Variants in EFR3A observed in about 807,000 individuals in gnomAD.
EFR3A encodes the protein protein EFR3 homolog A.
In EFR3A, 76 loss-of-function variants were observed where a neutral mutation model predicts 104.4. The observed-to-expected ratio is 0.73, with a 90% confidence interval of 0.60 to 0.88. The LOEUF (loss-of-function observed/expected upper bound fraction) is 0.88. EFR3A is among the 40% of genes least tolerant of loss of function. The pLI, the probability that EFR3A is intolerant of heterozygous loss-of-function variation, is 0.00. For synonymous variants in EFR3A, 330 were observed against 330.0 expected, an observed-to-expected ratio of 1.00 and a Z score of 0.00; for missense variants, 985 against 1,012.5, an observed-to-expected ratio of 0.97 and a Z score of 0.37.
rs2130832014 is a variant in EFR3A, at chr8:132,012,465, TTC to T, written c.*1571_*1572del. ...AAATAAGTAGATCAGCAAGACTTGT[TTC>T]AGAGTGACAGTGGAGTCGTTACCGC... On this transcript the variant is annotated 3_prime_UTR_variant, in exon 23 of 23. Coordinates refer to ENST00000254624, the MANE Select transcript of EFR3A (RefSeq NM_015137.6). 1 of 152,620 alleles carries T rather than the reference TTC, an allele frequency of 6.6e-6. No homozygotes were observed. Among genetic ancestry groups the T allele is most frequent in the East Asian group, 1.9e-4 (1 of 5,172 alleles). 9.5% of individuals were successfully genotyped at this position (152,620 alleles called of 1,614,324 possible). A position where few individuals can be genotyped will look rare whatever the true frequency, so the allele number is the denominator to read the frequency against.
chr8:131,956,453 A>T (rs556271802), intron 7 of EFR3A, among the ~76,000 whole-genome samples: 2 of 152,286 alleles, frequency 1.3e-5, no homozygotes, highest in African/African-American at 4.8e-5. Context: ...CTCCACATAG[A>T]TATGGTCTCT....
chr8:131,979,517 C>A, intron 14 of EFR3A, 96 bp downstream of exon 14: 2 of 901,636 alleles, frequency 2.2e-6, no homozygotes, highest in South Asian at 1.8e-5. Flanking sequence ...TGAAATTAAG[C>A]CATAGAATTT....
intron 1 of EFR3A, among the ~76,000 whole-genome samples, chr8:131,921,418 C>G (rs1433257931): frequency 1.3e-5 from 2 of 152,098 alleles, no homozygotes; most frequent in Non-Finnish European, 2.9e-5. Flanking sequence ...GCAAAGACCC[C>G]CCTCTCTCTA....
chr8:131,927,658 C>CT (rs2130481094), intron 1 of EFR3A, among the ~76,000 whole-genome samples: 1 of 152,100 alleles, frequency 6.6e-6, no homozygotes, highest in South Asian at 2.1e-4. Flanking sequence ...TTAGCAAGAG[C>CT]TTTTTTTAGG....
chr8:131,940,681 A>T lies in EFR3A; in HGVS notation c.87+106A>T, dbSNP rs563366616. The T allele has an allele frequency of 6.2e-6, 9 of 1,441,862 alleles. No individual in the cohort carries two copies. The South Asian group carries it at 1.4e-4, about 22-fold the overall frequency. 89.3% of individuals were successfully genotyped at this position (1,441,862 alleles called of 1,614,324 possible). A position where few individuals can be genotyped will look rare whatever the true frequency, so the allele number is the denominator to read the frequency against. ...TTCATTTCTCTACTTTTACCCTTAC[A>T]TCTCATCATTTATACTACTTTTTTT... On this transcript the variant is annotated intron_variant, in intron 2 of 22. Coordinates refer to ENST00000254624, the MANE Select transcript of EFR3A (RefSeq NM_015137.6).
At chr8:131,929,203 G>T (rs757592183) in intron 1 of EFR3A, among the ~76,000 whole-genome samples, 1 of 152,068 alleles carries the variant, frequency 6.6e-6, no homozygotes, top group Non-Finnish European at 1.5e-5. Flanking sequence ...GTATCCTCTT[G>T]TGTTCCTTGT....
chr8:131,933,041 G>C (rs937173245), intron 1 of EFR3A, among the ~76,000 whole-genome samples: 3 of 152,048 alleles, frequency 2.0e-5, no homozygotes, highest in Non-Finnish European at 2.9e-5. Context: ...AAAGAAGAAA[G>C]TCACTGCTTA....
At position 131,976,096 on chromosome 8, in the gene EFR3A, C is replaced by T; in HGVS notation, c.1229C>T (p.Pro410Leu). The T allele has an allele frequency of 1.2e-6, 2 of 1,605,874 alleles. No individual in the cohort carries two copies. The highest frequency in any genetic ancestry group is 1.7e-6 in the Non-Finnish European group (2 of 1,175,602). ...EIMMFIMGKV[P>L]VFGTSTHTLD... ...ATGATGTTCATTATGGGGAAAGTAC[C>T]TGTCTTTGGAACATCTACCCATACT... The change falls in exon 11 of 23, where the codon CCT (proline) becomes CTT (leucine). Residue 410 changes from proline (P) to leucine (L), a missense_variant. By Grantham distance (98) the Pro-to-Leu change is moderately conservative. Coordinates refer to ENST00000254624, the MANE Select transcript of EFR3A (RefSeq NM_015137.6).
At chr8:131,918,585 T>G (rs1406195025) in intron 1 of EFR3A, among the ~76,000 whole-genome samples, 4 of 152,192 alleles carry the variant, frequency 2.6e-5, no homozygotes, top group African/African-American at 9.6e-5. Context: ...TATTTAGATA[T>G]GTAATTAGAC....
intron 1 of EFR3A, among the ~76,000 whole-genome samples, chr8:131,937,352 CACTG>C (rs1173785489): frequency 6.6e-6 from 1 of 152,076 alleles, no homozygotes; most frequent in Non-Finnish European, 1.5e-5. Context: ...TTTTCCTGTT[CACTG>C]ACTAAGGCTC....
Position 131,904,192 on chromosome 8 carries a change from C to G in EFR3A, c.-121C>G. ...CCGCGTCCGCTCCCTCCACCCTTCG[C>G]CCTTCGCCCTTCGCCTCGTTCCGGC... On this transcript the variant is annotated 5_prime_UTR_variant, in exon 1 of 23. Transcript: ENST00000254624. 1 of 1,132,006 alleles carries G rather than the reference C, an allele frequency of 8.8e-7. No individual in the cohort carries two copies. Among genetic ancestry groups the G allele is most frequent in the Admixed American group, 4.3e-5 (1 of 23,340 alleles). 70.1% of individuals were successfully genotyped at this position (1,132,006 alleles called of 1,614,324 possible). A position where few individuals can be genotyped will look rare whatever the true frequency, so the allele number is the denominator to read the frequency against.
intron 22 of EFR3A, among the ~76,000 whole-genome samples, chr8:132,006,911 G>A (rs1255518981): frequency 6.6e-6 from 1 of 151,846 alleles, no homozygotes; most frequent in Non-Finnish European, 1.5e-5. Flanking sequence ...AAGCAAAGTT[G>A]CATGATCACA....
In EFR3A at chr8:131,990,919, C is replaced by T. The variant is rs560218439; in HGVS notation, c.2065+3217C>T. ...AAACTGAGGGGACGCATAGGATTTA[C>T]TTACCATTTCATTTGCTTGTTTTTT... On this transcript the variant is annotated intron_variant, in intron 18 of 22. Coordinates refer to ENST00000254624, the MANE Select transcript of EFR3A (RefSeq NM_015137.6). Among the ~76,000 whole-genome samples the T allele has an allele frequency of 1.8e-3, 278 of 152,252 alleles. 2 individuals are homozygous for T. The highest frequency in any genetic ancestry group is 6.5e-3 in the African/African-American group (270 of 41,552).
chr8:131,944,460 T>G (rs1818321006), intron 2 of EFR3A, among the ~76,000 whole-genome samples: 1 of 152,108 alleles, frequency 6.6e-6, no homozygotes, highest in Non-Finnish European at 1.5e-5. Context: ...TATATCCCAT[T>G]CCCTATATAC....
chr8:131,996,428 A>G lies in EFR3A; in HGVS notation c.2088A>G (p.Arg696=). Residue 696 remains arginine, a synonymous_variant, in exon 19 of 23, where the codon AGA becomes AGG. Coordinates refer to ENST00000254624, the MANE Select transcript of EFR3A (RefSeq NM_015137.6). ...TAGATGAAGATCGACTTTCTAGAAG[A>G]AAAAGCATTGTGGACACCGTATCCA... The part of the protein sequence containing the change: ...QVTDEDRLSR[R]KSIVDTVSIQ... 6.9e-6 allele frequency: 11 copies of G among 1,590,738 alleles called. No homozygotes were observed. The highest frequency in any genetic ancestry group is 9.4e-6 in the Non-Finnish European group (11 of 1,170,024).
intron 1 of EFR3A, chr8:131,924,061 T>C: frequency 2.4e-6 from 1 of 408,604 alleles, no homozygotes; most frequent in Non-Finnish European, 4.9e-6. Context: ...TGTATCTTGC[T>C]AAGACCTGCT....
chr8:131,926,843 TGTTA>T (rs200957888), intron 1 of EFR3A, among the ~76,000 whole-genome samples: 2,996 of 152,278 alleles, frequency 0.02, 46 homozygotes, highest in South Asian at 0.042. Flanking sequence ...AGTCAAATGC[TGTTA>T]GTTTTCATTT....
At chr8:131,955,691 AAAAGT>A in intron 6 of EFR3A, 72 bp from the exon 7 acceptor site, 1 of 1,473,712 alleles carries the variant, frequency 6.8e-7, no homozygotes, top group Non-Finnish European at 9.1e-7. Flanking sequence ...AACATTTCTA[AAAAGT>A]AAAGTATATT....
chr8:131,932,613 G>T (rs1203069824), intron 1 of EFR3A, among the ~76,000 whole-genome samples: 1 of 152,026 alleles, frequency 6.6e-6, no homozygotes, highest in Non-Finnish European at 1.5e-5. Flanking sequence ...TTGTTACTTT[G>T]TGTATTTACC....
Sources: gnomAD v4.1 joint callset for allele counts (sites outside exome capture counted in the v4.1 genomes callset) on GRCh38, gnomAD v4.1.1 for gene constraint, MANE v1.5 for transcripts, NCBI Gene and HGNC (gene_info 2026-07-23, HGNC 2026-07-21) for gene names.